ZBTB44: variants seen among roughly 807,000 people sequenced by gnomAD.
The protein encoded by ZBTB44 is zinc finger and BTB domain-containing protein 44.
ZBTB44 carries 15 observed loss-of-function variants against 54.0 expected under a neutral mutation model. The ratio of observed to expected loss-of-function variants is 0.28; its 90% CI spans 0.19 to 0.43. ZBTB44 has a LOEUF of 0.43. Among genes scored for constraint, ZBTB44 ranks in the 20% least tolerant of loss-of-function variants. ZBTB44 has a pLI of 1.00. For missense variants in ZBTB44, 487 were observed against 707.1 expected (o/e 0.69, Z 3.53); for synonymous variants, 230 against 250.1 (o/e 0.92, Z 0.76).
intron 2 of ZBTB44, among the ~76,000 whole-genome samples, chr11:130,240,333 C>T (rs1384163785): frequency 6.6e-6 from 1 of 152,194 alleles, no homozygotes; most frequent in East Asian, 1.9e-4. Flanking sequence ...AGCCACCGCA[C>T]CCAGCCGTGT....
At chr11:130,311,460 C>G (rs1490876946) in intron 1 of ZBTB44, among the ~76,000 whole-genome samples, 1 of 152,134 alleles carries the variant, frequency 6.6e-6, no homozygotes, top group African/African-American at 2.4e-5. Context: ...CCTTCCACCT[C>G]GGCCTTTCAA....
intron 1 of ZBTB44, among the ~76,000 whole-genome samples, chr11:130,263,767 G>T (rs575472477): frequency 6.6e-6 from 1 of 152,212 alleles, no homozygotes; most frequent in African/African-American, 2.4e-5. Flanking sequence ...GAGTAGATAT[G>T]AAAAGGATTT....
intron 1 of ZBTB44, among the ~76,000 whole-genome samples, chr11:130,272,164 G>A (rs529267163): frequency 2.6e-5 from 4 of 152,120 alleles, no homozygotes; most frequent in East Asian, 1.9e-4. Flanking sequence ...TCTGGGAGGC[G>A]GAGGTTGCGG....
At chr11:130,257,658 T>A (rs989747299) in intron 2 of ZBTB44, among the ~76,000 whole-genome samples, 4 of 152,102 alleles carry the variant, frequency 2.6e-5, no homozygotes, top group African/African-American at 7.3e-5. Context: ...AAATTTTTTT[T>A]AAACCATTCA....
At chr11:130,236,187 T>A (rs1181421958) in intron 5 of ZBTB44, 1 of 1,286,718 alleles carries the variant, frequency 7.8e-7, no homozygotes, top group East Asian at 5.5e-5. Flanking sequence ...GTGGCAGAGC[T>A]AGATCTAGAA....
chr11:130,236,882 G>A lies in ZBTB44; in HGVS notation c.1479C>T (p.Gly493=), dbSNP rs1954131026. The A allele has an allele frequency of 1.9e-6, 3 of 1,544,396 alleles. No individual in the cohort carries two copies. The highest frequency in any genetic ancestry group is 2.6e-6 in the Non-Finnish European group (3 of 1,147,126). Reference sequence around the variant, plus strand: ...AATTTCCAGAGTTGGTGAACATGGCGCCACATGTTTTGCACTCGTAAATCC... The same window carrying A: ...AATTTCCAGAGTTGGTGAACATGGCACCACATGTTTTGCACTCGTAAATCC... ...KPRIYECKTC[G]AMFTNSGNLI... is the part of the protein sequence containing the mutation. The change falls in exon 5 of 8, where the codon GGC becomes GGT. Residue 493 remains glycine (G), a synonymous_variant. Coordinates refer to ENST00000357899, the MANE Select transcript of ZBTB44 (RefSeq NM_001301098.2).
At chr11:130,237,783 A>C (rs1954170699) in intron 4 of ZBTB44, among the ~76,000 whole-genome samples, 1 of 152,204 alleles carries the variant, frequency 6.6e-6, no homozygotes, top group Non-Finnish European at 1.5e-5. Flanking sequence ...TATCTACAGA[A>C]GGGGAAAGTG....
At chr11:130,306,617 A>G in intron 1 of ZBTB44, among the ~76,000 whole-genome samples, 1 of 152,216 alleles carries the variant, frequency 6.6e-6, no homozygotes, top group East Asian at 1.9e-4. Flanking sequence ...ACACACACTT[A>G]CAGCAGCACA....
Position 130,227,074 on chromosome 11 carries a change from T to A in ZBTB44, c.*4690A>T, listed in dbSNP as rs1246986465. 2 of 152,128 alleles carry A rather than the reference T, an allele frequency of 1.3e-5. No homozygotes were observed. The highest frequency in any genetic ancestry group is 2.9e-5 in the Non-Finnish European group (2 of 68,032). 9.4% of individuals were successfully genotyped at this position (152,128 alleles called of 1,614,324 possible). A position where few individuals can be genotyped will look rare whatever the true frequency, so the allele number is the denominator to read the frequency against. On this transcript the variant is annotated 3_prime_UTR_variant, in exon 8 of 8. Coordinates refer to ENST00000357899, the MANE Select transcript of ZBTB44 (RefSeq NM_001301098.2). ...AATAACCCTAAAAATGATTGTAACG[T>A]TGAAACGGCACTTAGTTTACAAAAA... is the stretch of plus-strand genomic sequence containing the variant.
intron 1 of ZBTB44, among the ~76,000 whole-genome samples, chr11:130,269,929 C>G (rs531648386): frequency 6.6e-6 from 1 of 152,138 alleles, no homozygotes; most frequent in South Asian, 2.1e-4. Flanking sequence ...AAAGTGTGAA[C>G]AAAAATTAAA....
In ZBTB44 at chr11:130,231,210, T is replaced by C. The variant is rs571489189; in HGVS notation, c.*554A>G. On this transcript the variant is annotated 3_prime_UTR_variant, in exon 8 of 8. Coordinates refer to ENST00000357899, the MANE Select transcript of ZBTB44 (RefSeq NM_001301098.2). ...AAATAAACCTAAATACTACTATATA[T>C]ACAATTATCCCTTGCAAATCTGTTT... is the stretch of plus-strand genomic sequence containing the variant. 3 of 152,220 alleles carry C rather than the reference T, an allele frequency of 2.0e-5. No individual in the cohort carries two copies. The highest frequency in any genetic ancestry group is 7.2e-5 in the African/African-American group (3 of 41,546). 9.4% of individuals were successfully genotyped at this position (152,220 alleles called of 1,614,324 possible).
At chr11:130,258,082 C>T (rs1938580503) in intron 2 of ZBTB44, among the ~76,000 whole-genome samples, 1 of 151,828 alleles carries the variant, frequency 6.6e-6, no homozygotes, top group Non-Finnish European at 1.5e-5. Flanking sequence ...TTAATAGATG[C>T]TAAAATGCTA....
intron 1 of ZBTB44, among the ~76,000 whole-genome samples, chr11:130,281,156 TC>T (rs1429320051): frequency 1.3e-5 from 2 of 152,180 alleles, no homozygotes; most frequent in African/African-American, 2.4e-5. Flanking sequence ...GGAAATTCAT[TC>T]CCTTAAATGA....
At chr11:130,245,287 C>T (rs1010770979) in intron 2 of ZBTB44, among the ~76,000 whole-genome samples, 2 of 152,136 alleles carry the variant, frequency 1.3e-5, no homozygotes, top group Non-Finnish European at 2.9e-5. Context: ...GTTCTTCTGA[C>T]TTGTTTTTAA....
chr11:130,240,135 G>A (rs1207034653), intron 2 of ZBTB44, among the ~76,000 whole-genome samples: 1 of 149,538 alleles, frequency 6.7e-6, no homozygotes, highest in East Asian at 2.0e-4. Flanking sequence ...TCTGCCTCCT[G>A]GGTTTACGCC....
chr11:130,242,092 T>C (rs77529768), intron 2 of ZBTB44, among the ~76,000 whole-genome samples: 2,794 of 152,354 alleles, frequency 0.018, 53 homozygotes, highest in Non-Finnish European at 0.03. Context: ...TCTGCATTCC[T>C]GTATACATTT....
At chr11:130,293,163 G>T (rs80032687) in intron 1 of ZBTB44, among the ~76,000 whole-genome samples, 9,735 of 152,008 alleles carry the variant, frequency 0.064, 742 homozygotes, top group African/African-American at 0.18. Context: ...TATCTGAGTT[G>T]TAAAAAGATA....
chr11:130,261,509 T>G lies in ZBTB44; in HGVS notation c.365A>C (p.Glu122Ala). ...QMFSVASTCS[E>A]FMKSSILWNT... Reference sequence around the variant, plus strand: ...CCATAAAATGCTTGATTTCATGAACTCTGAGCAGGTGCTGGCAACACTGAA... The same window carrying G: ...CCATAAAATGCTTGATTTCATGAACGCTGAGCAGGTGCTGGCAACACTGAA... Residue 122 changes from glutamate to alanine, a missense_variant, in exon 2 of 8, where the codon GAG becomes GCG. Physicochemically the swap from Glu to Ala is moderately radical, Grantham distance 107. Around this residue, in one of 3 missense-constraint regions of ZBTB44, gnomAD observed 90 missense variants for 160.3 expected, o/e 0.56. Coordinates refer to ENST00000357899, the MANE Select transcript of ZBTB44 (RefSeq NM_001301098.2). The surrounding 1 kb of genome is among the most constrained non-coding windows in gnomAD (Gnocchi z 4.8). 1 of 1,614,000 alleles carries G rather than the reference T, an allele frequency of 6.2e-7. No individual in the cohort carries two copies. The highest frequency in any genetic ancestry group is 1.3e-5 in the African/African-American group (1 of 75,042).
chr11:130,295,331 C>T (rs1941576485), intron 1 of ZBTB44, among the ~76,000 whole-genome samples: 1 of 152,112 alleles, frequency 6.6e-6, no homozygotes, highest in South Asian at 2.1e-4. Flanking sequence ...TAAAAAATCT[C>T]CCCAGAAATC....
Sources: gnomAD v4.1 joint callset for allele counts (sites outside exome capture counted in the v4.1 genomes callset) on GRCh38, gnomAD v4.1.1 for gene constraint, gnomAD v4.1.1 regional missense constraint, Gnocchi (gnomAD v3.1) non-coding constraint, MANE v1.5 for transcripts, NCBI Gene and HGNC (gene_info 2026-07-23, HGNC 2026-07-21) for gene names.